LPAR1: variants seen among roughly 807,000 people sequenced by gnomAD.
LPAR1 encodes lysophosphatidic acid receptor 1.
Under a neutral mutation model 23.8 loss-of-function variants are expected in LPAR1, and 5 were observed. The observed-to-expected ratio is 0.21, with a 90% CI of 0.11 to 0.44. The LOEUF (loss-of-function observed/expected upper bound fraction) is 0.44. Ranked by LOEUF, LPAR1 falls within the 20% of genes least tolerant of loss-of-function variation. The pLI is 0.99. For missense variants in LPAR1, 311 were observed against 482.8 expected (o/e 0.64, Z 3.33); for synonymous variants, 160 against 164.7 (o/e 0.97, Z 0.22).
chr9:111,017,785 G>T (rs1363230088), intron 2 of LPAR1, among the ~76,000 whole-genome samples: 1 of 152,148 alleles, frequency 6.6e-6, no homozygotes. Context: ...ACTTTGGGAG[G>T]CCGAGGCAGG....
chr9:110,939,168 C>A (rs1394450540), intron 5 of LPAR1, among the ~76,000 whole-genome samples: 1 of 152,144 alleles, frequency 6.6e-6, no homozygotes, highest in Non-Finnish European at 1.5e-5. Context: ...TGGACACTTA[C>A]AATTCAAATA....
intron 5 of LPAR1, among the ~76,000 whole-genome samples, chr9:110,928,079 G>C (rs1184673496): frequency 6.6e-6 from 1 of 152,124 alleles, no homozygotes; most frequent in East Asian, 1.9e-4. Flanking sequence ...AAGCTTCCTA[G>C]TAATAAAGCT....
intron 5 of LPAR1, among the ~76,000 whole-genome samples, chr9:110,898,867 T>A (rs1285043482): frequency 6.6e-6 from 1 of 152,208 alleles, no homozygotes; most frequent in East Asian, 1.9e-4. Flanking sequence ...GTGTGTCACC[T>A]TAACTCCAAA....
At position 110,983,764 on chromosome 9, in the gene LPAR1, T is replaced by TA. The variant is rs371930640; in HGVS notation, c.-181-10207dup. Among the ~76,000 whole-genome samples the TA allele has an allele frequency of 2.6e-3, 399 of 151,720 alleles. 2 individuals carry two copies. The highest frequency in any genetic ancestry group is 9.0e-3 in the African/African-American group (373 of 41,390). On this transcript the variant is annotated intron_variant, in intron 2 of 5. Coordinates refer to ENST00000683809, the MANE Select transcript of LPAR1 (RefSeq NM_001351411.2). ...CTTTAAAAATTAAAAGAAATCCCAT[T>TA]AAAAAAATCAAATGGGGAAAATAAA...
At chr9:111,024,579 C>T (rs1465637950) in intron 2 of LPAR1, among the ~76,000 whole-genome samples, 2 of 142,230 alleles carry the variant, frequency 1.4e-5, no homozygotes, top group South Asian at 2.2e-4. Flanking sequence ...TACACACACA[C>T]TTTAAGTTCT....
intron 4 of LPAR1, chr9:110,945,241 T>C (rs1159104017): frequency 6.6e-6 from 1 of 152,202 alleles, no homozygotes; most frequent in Non-Finnish European, 1.5e-5. Flanking sequence ...GCAGAAAACC[T>C]ACATGGTTCA....
At chr9:110,881,442 A>G (rs1481436893) in intron 5 of LPAR1, among the ~76,000 whole-genome samples, 1 of 152,160 alleles carries the variant, frequency 6.6e-6, no homozygotes, top group African/African-American at 2.4e-5. Context: ...CCTGATCACC[A>G]CAATGCTACT....
At chr9:111,012,917 T>C (rs1203257723) in intron 2 of LPAR1, among the ~76,000 whole-genome samples, 1 of 152,180 alleles carries the variant, frequency 6.6e-6, no homozygotes, top group African/African-American at 2.4e-5. Context: ...ATTCAGCCTG[T>C]AACTTTGTGA....
Position 110,992,329 on chromosome 9 carries a change from A to C in LPAR1, c.-181-18771T>G, listed in dbSNP as rs940349840. ...CACTACATGACTATTAGAATGGATA[A>C]AATTGAAAAAACCAACCATACCAAG... On this transcript the variant is annotated intron_variant, in intron 2 of 5. Transcript: ENST00000683809. Among the ~76,000 whole-genome samples, 4 of 152,222 alleles carry C rather than the reference A, an allele frequency of 2.6e-5. No homozygotes were observed. The East Asian group carries it at 7.7e-4, about 29-fold the overall frequency.
chr9:111,009,710 T>C lies in LPAR1; in HGVS notation c.-182+26412A>G, dbSNP rs546092335. Among the ~76,000 whole-genome samples, 37 of 151,912 alleles carry C rather than the reference T, an allele frequency of 2.4e-4. No individual in the cohort carries two copies. The South Asian group carries it at 7.7e-3, about 32-fold the overall frequency. ...TAATACTGGGCATATATATATGTATTTGAGTATATGAAGGGACATATACCA... is the reference window on the plus strand; with the variant it reads ...TAATACTGGGCATATATATATGTATCTGAGTATATGAAGGGACATATACCA... On this transcript the variant is annotated intron_variant, in intron 2 of 5. Coordinates refer to ENST00000683809, the MANE Select transcript of LPAR1 (RefSeq NM_001351411.2).
chr9:111,007,792 C>T (rs1044315584), intron 2 of LPAR1, among the ~76,000 whole-genome samples: 1 of 152,156 alleles, frequency 6.6e-6, no homozygotes, highest in Non-Finnish European at 1.5e-5. Context: ...AAAGAAACAG[C>T]AATCTGTGCT....
intron 2 of LPAR1, among the ~76,000 whole-genome samples, chr9:111,016,599 A>T (rs1474790671): frequency 6.6e-6 from 1 of 152,230 alleles, no homozygotes; most frequent in South Asian, 2.1e-4. Context: ...AGTCAAGTCA[A>T]TGCTTAAAGC....
chr9:110,883,652 A>AT (rs1180488669), intron 5 of LPAR1, among the ~76,000 whole-genome samples: 3 of 151,970 alleles, frequency 2.0e-5, no homozygotes, highest in Non-Finnish European at 4.4e-5. Context: ...TTTTGAACAG[A>AT]TTTTTGTTTT....
intron 5 of LPAR1, among the ~76,000 whole-genome samples, chr9:110,900,523 C>T (rs1316525466): frequency 6.6e-6 from 1 of 152,052 alleles, no homozygotes; most frequent in Non-Finnish European, 1.5e-5. Flanking sequence ...TCTTCTGTGC[C>T]GCAAGTACTT....
chr9:110,964,850 T>A (rs867697173), intron 4 of LPAR1, among the ~76,000 whole-genome samples: 17 of 132,812 alleles, frequency 1.3e-4, no homozygotes, highest in African/African-American at 4.4e-4. Flanking sequence ...CAGACACCAA[T>A]CACTTTTTTT....
intron 4 of LPAR1, among the ~76,000 whole-genome samples, chr9:110,943,613 A>C (rs186239237): frequency 1.6e-4 from 24 of 152,242 alleles, no homozygotes; most frequent in African/African-American, 5.5e-4. Flanking sequence ...TAATCCCAGC[A>C]CTTTGGGAGG....
intron 4 of LPAR1, among the ~76,000 whole-genome samples, chr9:110,946,113 A>G (rs1000766578): frequency 6.6e-6 from 1 of 152,192 alleles, no homozygotes; most frequent in Admixed American, 6.6e-5. Context: ...AAGGAAGTAT[A>G]AAAATTCCAG....
At chr9:110,914,455 A>G (rs2092829036) in intron 5 of LPAR1, among the ~76,000 whole-genome samples, 1 of 152,198 alleles carries the variant, frequency 6.6e-6, no homozygotes, top group Non-Finnish European at 1.5e-5. Flanking sequence ...TACCACCAGA[A>G]CAGCACGGGA....
At chr9:110,948,994 T>C (rs2095484315) in intron 4 of LPAR1, among the ~76,000 whole-genome samples, 1 of 149,764 alleles carries the variant, frequency 6.7e-6, no homozygotes, top group African/African-American at 2.5e-5. Flanking sequence ...GATTGGAAAA[T>C]AAATAAAGAG....
Sources: allele counts gnomAD v4.1 joint callset (sites outside exome capture counted in the v4.1 genomes callset), GRCh38; gene constraint gnomAD v4.1.1; transcripts MANE v1.5; gene names NCBI Gene and HGNC (gene_info 2026-07-23, HGNC 2026-07-21).